The following HPGD variants were observed in gnomAD, a reference collection of about 807,000 sequenced individuals.
The protein encoded by HPGD is 15-hydroxyprostaglandin dehydrogenase [NAD(+)].
A neutral mutation model predicts 30.0 loss-of-function variants in HPGD; 29 were observed. That is an observed-to-expected ratio of 0.97 (90% CI 0.72 to 1.32). The LOEUF (loss-of-function observed/expected upper bound fraction) is 1.32. Ranked by LOEUF, HPGD falls within the 40% of genes most tolerant of loss-of-function variation. HPGD has a pLI of 0.00. For missense variants in HPGD, 340 were observed against 322.1 expected (o/e 1.06, Z -0.43); for synonymous variants, 99 against 112.4 (o/e 0.88, Z 0.75).
chr4:174,512,425 A>G (rs1735556126), intron 3 of HPGD, among the ~76,000 whole-genome samples: 1 of 152,214 alleles, frequency 6.6e-6, no homozygotes, highest in Admixed American at 6.5e-5. Flanking sequence ...ATTTTAGAAG[A>G]AGGAGAGATA....
chr4:174,511,942 G>A lies in HPGD; in HGVS notation c.325-3150C>T, dbSNP rs149413200. Among the ~76,000 whole-genome samples, 290 of 152,262 alleles carry A rather than the reference G, an allele frequency of 1.9e-3. 2 individuals are homozygous for A. The highest frequency in any genetic ancestry group is 6.5e-3 in the African/African-American group (271 of 41,530). On this transcript the variant is annotated intron_variant, in intron 3 of 6. Transcript: ENST00000296522. Reference sequence around the variant, plus strand: ...ATTACAGGCGTGAGTCACCGCTCCCGGCCTGCTGAACATTTCTTCTGTGTT... The same window carrying A: ...ATTACAGGCGTGAGTCACCGCTCCCAGCCTGCTGAACATTTCTTCTGTGTT...
chr4:174,497,568 CTTTTTTTTT>C (rs778825547), intron 4 of HPGD, among the ~76,000 whole-genome samples: 26 of 51,116 alleles, frequency 5.1e-4, no homozygotes, highest in African/African-American at 1.0e-3. Flanking sequence ...CTTTTTCTTT[CTTTTTTTTT>C]TTTTTTTTTT....
At chr4:174,515,494 C>G (rs1735723640) in intron 3 of HPGD, among the ~76,000 whole-genome samples, 1 of 151,580 alleles carries the variant, frequency 6.6e-6, no homozygotes, top group Admixed American at 6.6e-5. Flanking sequence ...TTCCTTACAC[C>G]ATATGTAAAA....
rs745379648 is a variant in HPGD at position 174,521,986 on chromosome 4, G to A, written c.175C>T (p.Leu59=). 6.2e-7 allele frequency: 1 copy of A among 1,613,502 alleles called. No homozygotes were observed. Among genetic ancestry groups the A allele is most frequent in the South Asian group, 1.1e-5 (1 of 91,088 alleles). Residue 59 remains leucine, a synonymous_variant, in exon 2 of 7, where the codon CTG becomes TTG. Coordinates refer to ENST00000296522, the MANE Select transcript of HPGD (RefSeq NM_000860.6). ...TCAGCCACATCGCACTGGATGAACA[G>A]AGTCTTCTGAGGTTCAAACTGCTCA... The part of the protein sequence containing the change: ...LDEQFEPQKT[L]FIQCDVADQQ...
At chr4:174,508,236 T>C (rs1735282631) in intron 4 of HPGD, 8 of 660,160 alleles carry the variant, frequency 1.2e-5, no homozygotes, top group East Asian at 2.7e-5. Context: ...AATGTGCTTA[T>C]ACTACATGTA....
rs1158345715 is a variant in HPGD, at chr4:174,492,604, T to A, written c.663-510A>T. ...TCTGTTGTATTATCTCTATTTTATATGTGAGAAAATTGAAGCATCTAGAGG... is the reference window on the plus strand; with the variant it reads ...TCTGTTGTATTATCTCTATTTTATAAGTGAGAAAATTGAAGCATCTAGAGG... On this transcript the variant is annotated intron_variant, in intron 6 of 6. Coordinates refer to ENST00000296522, the MANE Select transcript of HPGD (RefSeq NM_000860.6). This position sits in a 1 kb window ranked among gnomAD's most constrained non-coding sequence, Gnocchi z 4.9. Among the ~76,000 whole-genome samples, 1 of 152,058 alleles carries A rather than the reference T, an allele frequency of 6.6e-6. No individual in the cohort carries two copies. The highest frequency in any genetic ancestry group is 1.5e-5 in the Non-Finnish European group (1 of 67,930).
intron 4 of HPGD, among the ~76,000 whole-genome samples, chr4:174,499,982 C>A (rs922493288): frequency 9.2e-5 from 14 of 152,046 alleles, no homozygotes; most frequent in African/African-American, 3.4e-4. Flanking sequence ...CACACACACT[C>A]AAATTTAAAA....
At chr4:174,517,783 G>T (rs1262985770) in intron 3 of HPGD, among the ~76,000 whole-genome samples, 188 bp downstream of exon 3, 1 of 152,052 alleles carries the variant, frequency 6.6e-6, no homozygotes, top group African/African-American at 2.4e-5. Flanking sequence ...TTTTAAGATA[G>T]ACTTACTTTC....
chr4:174,521,877 G>C, intron 2 of HPGD, 67 bp downstream of exon 2: 1 of 1,602,498 alleles, frequency 6.2e-7, no homozygotes, highest in Non-Finnish European at 8.5e-7. Flanking sequence ...CCCCTGGCCG[G>C]GCTGCCTTCA....
intron 3 of HPGD, among the ~76,000 whole-genome samples, chr4:174,511,888 C>T (rs971248694): frequency 3.9e-5 from 6 of 152,108 alleles, no homozygotes; most frequent in African/African-American, 1.2e-4. Flanking sequence ...CCTTGTGATC[C>T]GCCCGCCTCG....
At position 174,496,846 on chromosome 4, in the gene HPGD, A is replaced by C. The variant is rs944590289; in HGVS notation, c.422-1222T>G. Among the ~76,000 whole-genome samples, 14 of 152,236 alleles carry C rather than the reference A, an allele frequency of 9.2e-5. No homozygotes were observed. The highest frequency in any genetic ancestry group is 3.4e-4 in the African/African-American group (14 of 41,466). On this transcript the variant is annotated intron_variant, in intron 4 of 6. Transcript: ENST00000296522. The surrounding 1 kb of genome is among the most constrained non-coding windows in gnomAD (Gnocchi z 4.6). ...TCAATTTATAAAGTATGTTTGCACA[A>C]GGGCAGTTTAAATCCCTGAGGATGG...
At chr4:174,522,136 A>C in intron 1 of HPGD, 69 bp from the exon 2 acceptor site, 2 of 1,607,624 alleles carry the variant, frequency 1.2e-6, no homozygotes, top group Non-Finnish European at 1.7e-6. Flanking sequence ...CAATAAACAC[A>C]CAAGAGGCTC....
chr4:174,492,135 G>A lies in HPGD; in HGVS notation c.663-41C>T. The stretch of plus-strand genomic sequence containing the variant: ...ACAGTATTTTGAAACGAAAGAATGA[G>A]GCATATTACCACTTCATTTTAAGTT... On this transcript the variant is annotated intron_variant, in intron 6 of 6. Coordinates refer to ENST00000296522, the MANE Select transcript of HPGD (RefSeq NM_000860.6). This position sits in a 1 kb window ranked among gnomAD's most constrained non-coding sequence, Gnocchi z 4.9. 6.4e-7 allele frequency: 1 copy of A among 1,567,872 alleles called. No individual in the cohort carries two copies. Among genetic ancestry groups the A allele is most frequent in the Non-Finnish European group, 8.8e-7 (1 of 1,141,758 alleles).
intron 4 of HPGD, among the ~76,000 whole-genome samples, chr4:174,501,365 A>G (rs1734890631): frequency 1.3e-5 from 2 of 152,226 alleles, no homozygotes; most frequent in South Asian, 4.1e-4. Flanking sequence ...GATTGTGACC[A>G]TGTGAGAGCA....
chr4:174,508,219 GT>G (rs5864277), intron 4 of HPGD: 500,525 of 685,274 alleles, frequency 0.73, 185,189 homozygotes, highest in East Asian at 0.86. Flanking sequence ...TGATGTACGA[GT>G]TAAGGAATGT....
rs201524759 is a variant in HPGD, at chr4:174,508,740, T to C, written c.377A>G (p.Asn126Ser). Reference sequence around the variant, plus strand: ...GATAATGATGCCGCCTTCACCTCCATTTTGCTTACTCATGTAATCCAAACC... The same window carrying C: ...GATAATGATGCCGCCTTCACCTCCACTTTGCTTACTCATGTAATCCAAACC... ...YLGLDYMSKQ[N>S]GGEGGIIINM... The change falls in exon 4 of 7, where the codon AAT (asparagine) becomes AGT (serine). Residue 126 changes from asparagine (N) to serine (S), a missense_variant. Transcript: ENST00000296522. The C allele has an allele frequency of 2.4e-5, 38 of 1,611,368 alleles. No homozygotes were observed. The East Asian group carries it at 7.4e-4, about 31-fold the overall frequency.
At chr4:174,513,516 G>A (rs1321821317) in intron 3 of HPGD, among the ~76,000 whole-genome samples, 4 of 150,650 alleles carry the variant, frequency 2.7e-5, no homozygotes, top group African/African-American at 9.7e-5. Context: ...TTTAGGGAAG[G>A]AATAGAAAAA....
chr4:174,513,703 G>T (rs543377188), intron 3 of HPGD, among the ~76,000 whole-genome samples: 3 of 151,844 alleles, frequency 2.0e-5, no homozygotes, highest in East Asian at 3.9e-4. Context: ...AACATAAAAG[G>T]TTGCTTATAT....
At chr4:174,522,146 C>T (rs566604456) in intron 1 of HPGD, 79 bp from the exon 2 acceptor site, 25 of 1,601,182 alleles carry the variant, frequency 1.6e-5, no homozygotes, top group Non-Finnish European at 2.1e-5. Context: ...ACAAGAGGCT[C>T]CCCTCCTGGA....
Sources: gnomAD v4.1 joint callset for allele counts (sites outside exome capture counted in the v4.1 genomes callset) on GRCh38, gnomAD v4.1.1 for gene constraint, Gnocchi (gnomAD v3.1) non-coding constraint, MANE v1.5 for transcripts, NCBI Gene and HGNC (gene_info 2026-07-23, HGNC 2026-07-21) for gene names.